Variants in CLMP observed in about 807,000 individuals in gnomAD.
CLMP encodes CXADR like cell adhesion molecule.
In CLMP, 27 loss-of-function variants were observed where a neutral mutation model predicts 45.2. The ratio of observed to expected loss-of-function variants is 0.60; its 90% CI spans 0.44 to 0.82. The LOEUF is 0.82. Among genes scored for constraint, CLMP ranks in the 40% least tolerant of loss-of-function variants. The pLI is 0.00. For missense variants in CLMP, 403 were observed against 448.4 expected (o/e 0.90, Z 0.91); for synonymous variants, 167 against 171.4 (o/e 0.97, Z 0.20).
At chr11:123,135,733 A>C (rs906459386) in intron 1 of CLMP, among the ~76,000 whole-genome samples, 1 of 152,190 alleles carries the variant, frequency 6.6e-6, no homozygotes, top group Non-Finnish European at 1.5e-5. Flanking sequence ...GCTCAGGAAT[A>C]CTATTGTCGC....
intron 5 of CLMP, among the ~76,000 whole-genome samples, chr11:123,079,744 C>T (rs1865783653): frequency 6.6e-6 from 1 of 152,182 alleles, no homozygotes; most frequent in African/African-American, 2.4e-5. Context: ...TGCACCCGGC[C>T]TGACTGTTGT....
chr11:123,111,572 C>T (rs1860638864), intron 1 of CLMP, among the ~76,000 whole-genome samples: 1 of 152,186 alleles, frequency 6.6e-6, no homozygotes, highest in Non-Finnish European at 1.5e-5. Context: ...CTCTTTTAAT[C>T]CACAAGGGGG....
At chr11:123,082,956 G>T in intron 5 of CLMP, 129 bp downstream of exon 5, 3 of 1,104,734 alleles carry the variant, frequency 2.7e-6, no homozygotes, top group Non-Finnish European at 3.9e-6. Context: ...TTTGGTGATA[G>T]CCATATCCTT....
At chr11:123,162,596 G>A (rs1418355300) in intron 1 of CLMP, among the ~76,000 whole-genome samples, 1 of 150,140 alleles carries the variant, frequency 6.7e-6, no homozygotes, top group African/African-American at 2.5e-5. Context: ...CACAAGGGAA[G>A]ATAAAAGTTG....
At position 123,097,776 on chromosome 11, in the gene CLMP, C is replaced by A; in HGVS notation, c.186+19G>T. ...GGAGGACAAGAAGGAGGAGGGACTC[C>A]AGCCAGGTGTCTACTTACCACTTTT... is the stretch of plus-strand genomic sequence containing the variant. On this transcript the variant is annotated intron_variant, in intron 2 of 6. Transcript: ENST00000448775. 1 of 1,538,816 alleles carries A rather than the reference C, an allele frequency of 6.5e-7. No homozygotes were observed. The highest frequency in any genetic ancestry group is 8.8e-7 in the Non-Finnish European group (1 of 1,136,134).
chr11:123,073,366 T>TA lies in CLMP; in HGVS notation c.*107dup. ...GTTCCGTGCAATGCTCACTGCTACT[T>TA]AGATGACCTCTCATCTGGTTGTGTG... On this transcript the variant is annotated 3_prime_UTR_variant, in exon 7 of 7. Coordinates refer to ENST00000448775, the MANE Select transcript of CLMP (RefSeq NM_024769.5). 1.6e-6 allele frequency: 2 copies of TA among 1,223,886 alleles called. No homozygotes were observed. Among genetic ancestry groups the TA allele is most frequent in the Non-Finnish European group, 2.3e-6 (2 of 870,722 alleles). The allele number at this position is 1,223,886 out of a possible 1,614,324, so 75.8% of individuals were successfully genotyped here. A position where few individuals can be genotyped will look rare whatever the true frequency, so the allele number is the denominator to read the frequency against.
At chr11:123,081,631 G>A (rs1217781798) in intron 5 of CLMP, among the ~76,000 whole-genome samples, 1 of 152,180 alleles carries the variant, frequency 6.6e-6, no homozygotes, top group East Asian at 1.9e-4. Flanking sequence ...AGCACTCTGG[G>A]AGGTGAAGAA....
chr11:123,152,718 C>T (rs1011721088), intron 1 of CLMP, among the ~76,000 whole-genome samples: 4 of 150,034 alleles, frequency 2.7e-5, no homozygotes, highest in African/African-American at 9.9e-5. Context: ...TTGGCACCCC[C>T]AGGGGAAAAA....
chr11:123,086,726 G>T (rs1028567312), intron 2 of CLMP, among the ~76,000 whole-genome samples: 2 of 152,108 alleles, frequency 1.3e-5, no homozygotes, highest in African/African-American at 4.8e-5. Flanking sequence ...CTAAATATTT[G>T]TGGGGGCCAG....
intron 1 of CLMP, among the ~76,000 whole-genome samples, chr11:123,139,104 G>A (rs1308060258): frequency 6.6e-6 from 1 of 152,002 alleles, no homozygotes; most frequent in Non-Finnish European, 1.5e-5. Context: ...GGTGTATGGC[G>A]GCTTTCACAC....
intron 1 of CLMP, among the ~76,000 whole-genome samples, chr11:123,154,994 C>T (rs12278850): frequency 0.074 from 11,221 of 152,090 alleles, 475 homozygotes; most frequent in African/African-American, 0.11. Context: ...ATACAGAAAT[C>T]GCTTTGTTTT....
At chr11:123,098,042 C>T (rs2135480621) in intron 1 of CLMP, 90 bp from the exon 2 acceptor site, 2 of 1,159,760 alleles carry the variant, frequency 1.7e-6, no homozygotes, top group African/African-American at 1.6e-5. Flanking sequence ...ATGGGATGTT[C>T]CCGTGGGCAA....
At chr11:123,133,601 GA>G (rs1861023653) in intron 1 of CLMP, among the ~76,000 whole-genome samples, 1 of 152,060 alleles carries the variant, frequency 6.6e-6, no homozygotes, top group Admixed American at 6.6e-5. Context: ...CCACTACTAT[GA>G]TGCGGTTCAG....
At chr11:123,078,490 A>C (rs1011446979) in intron 5 of CLMP, among the ~76,000 whole-genome samples, 2 of 152,154 alleles carry the variant, frequency 1.3e-5, no homozygotes, top group Non-Finnish European at 2.9e-5. Flanking sequence ...TCTGTTGCCC[A>C]GGCTGGAGTG....
At chr11:123,177,225 C>A (rs971867325) in intron 1 of CLMP, among the ~76,000 whole-genome samples, 2 of 152,122 alleles carry the variant, frequency 1.3e-5, no homozygotes, top group Non-Finnish European at 2.9e-5. Flanking sequence ...CCTCAAAATC[C>A]TCACTGCTTT....
intron 1 of CLMP, among the ~76,000 whole-genome samples, chr11:123,190,140 G>T (rs1861889533): frequency 6.6e-6 from 1 of 152,148 alleles, no homozygotes; most frequent in Admixed American, 6.5e-5. Flanking sequence ...AGGTCCTTTT[G>T]GTGAGTATTT....
At position 123,109,833 on chromosome 11, in the gene CLMP, C is replaced by T. The variant is rs142037208; in HGVS notation, c.29-11881G>A. On this transcript the variant is annotated intron_variant, in intron 1 of 6. Coordinates refer to ENST00000448775, the MANE Select transcript of CLMP (RefSeq NM_024769.5). ...CTCCATTGTACTTTATACTAGCCAACCTAGCATATCCAGAGCAACTGTGTT... is the reference window on the plus strand; with the variant it reads ...CTCCATTGTACTTTATACTAGCCAATCTAGCATATCCAGAGCAACTGTGTT... 3.1e-3 allele frequency among the ~76,000 whole-genome samples: 468 copies of T among 152,238 alleles called. 3 individuals carry two copies. The highest frequency in any genetic ancestry group is 0.011 in the African/African-American group (444 of 41,554).
At chr11:123,158,851 G>A (rs1861449140) in intron 1 of CLMP, among the ~76,000 whole-genome samples, 1 of 152,190 alleles carries the variant, frequency 6.6e-6, no homozygotes, top group Non-Finnish European at 1.5e-5. Context: ...AGCACACAAG[G>A]TAGTCATTAC....
At chr11:123,102,832 C>G (rs1860473689) in intron 1 of CLMP, among the ~76,000 whole-genome samples, 1 of 148,766 alleles carries the variant, frequency 6.7e-6, no homozygotes, top group Admixed American at 6.8e-5. Context: ...GCTGGAATTA[C>G]AGGTGTGAGC....
Sources: gnomAD v4.1 joint callset for allele counts (sites outside exome capture counted in the v4.1 genomes callset) on GRCh38, gnomAD v4.1.1 for gene constraint, MANE v1.5 for transcripts, NCBI Gene and HGNC (gene_info 2026-07-23, HGNC 2026-07-21) for gene names.